Variants in ASAP2 observed in about 807,000 individuals in gnomAD.
ASAP2 encodes ArfGAP with SH3 domain, ankyrin repeat and PH domain 2, also known as arf-GAP with SH3 domain, ANK repeat and PH domain-containing protein 2.
Under a neutral mutation model 131.4 loss-of-function variants are expected in ASAP2, and 45 were observed. That is an observed-to-expected ratio of 0.34 (90% CI 0.27 to 0.44). The LOEUF (loss-of-function observed/expected upper bound fraction) is 0.44. Among genes scored for constraint, ASAP2 ranks in the 20% least tolerant of loss-of-function variants. The pLI is 1.00. For missense variants in ASAP2, 1,011 were observed against 1,297.0 expected (o/e 0.78, Z 3.39); for synonymous variants, 510 against 503.0 (o/e 1.01, Z -0.19).
chr2:9,250,501 C>T (rs1664631012), intron 1 of ASAP2, among the ~76,000 whole-genome samples: 1 of 152,130 alleles, frequency 6.6e-6, no homozygotes, highest in Non-Finnish European at 1.5e-5. Flanking sequence ...ATCACTTAAG[C>T]CTTGGGAGGT....
At chr2:9,256,354 AAAT>A (rs1205683489) in intron 1 of ASAP2, among the ~76,000 whole-genome samples, 81 of 152,154 alleles carry the variant, frequency 5.3e-4, no homozygotes, top group African/African-American at 2.0e-3. Context: ...GCCTTCACTT[AAAT>A]GTCAGGCAAA....
At chr2:9,289,643 T>C (rs115407458) in intron 2 of ASAP2, among the ~76,000 whole-genome samples, 1,998 of 152,238 alleles carry the variant, frequency 0.013, 51 homozygotes, top group African/African-American at 0.046. Context: ...AGGGAGGTCA[T>C]TGGGGTGACG....
intron 15 of ASAP2, 68 bp from the exon 16 acceptor site, chr2:9,368,357 A>G: frequency 7.3e-7 from 1 of 1,361,192 alleles, no homozygotes; most frequent in Non-Finnish European, 1.0e-6. Context: ...TCAGATGGGG[A>G]TGGGTAATGT....
At chr2:9,266,018 C>T (rs1190659267) in intron 1 of ASAP2, among the ~76,000 whole-genome samples, 1 of 100,868 alleles carries the variant, frequency 9.9e-6, no homozygotes, top group South Asian at 2.7e-4. Context: ...AAGTGATCCA[C>T]CCCCCCACCC....
At chr2:9,318,718 T>G (rs1476861999) in intron 4 of ASAP2, 120 bp downstream of exon 4, 1 of 603,858 alleles carries the variant, frequency 1.7e-6, no homozygotes, top group African/African-American at 2.0e-5. Context: ...GGATGGCTCT[T>G]TTATCTCAGC....
At chr2:9,261,213 C>A (rs1190339192) in intron 1 of ASAP2, among the ~76,000 whole-genome samples, 1 of 152,118 alleles carries the variant, frequency 6.6e-6, no homozygotes, top group Non-Finnish European at 1.5e-5. Flanking sequence ...TTATTTTCCC[C>A]AAATGTTAGA....
At chr2:9,213,065 A>T (rs180848390) in intron 1 of ASAP2, among the ~76,000 whole-genome samples, 3 of 152,336 alleles carry the variant, frequency 2.0e-5, no homozygotes, top group Non-Finnish European at 4.4e-5. Context: ...TGATAAACAG[A>T]CAGTTACGTA....
chr2:9,308,679 G>C (rs977024744), intron 3 of ASAP2, among the ~76,000 whole-genome samples: 1 of 152,150 alleles, frequency 6.6e-6, no homozygotes. Flanking sequence ...CAGTCCAGCC[G>C]TCTTTAATAG....
chr2:9,292,465 C>CCT (rs1251722077), intron 2 of ASAP2, among the ~76,000 whole-genome samples: 1 of 152,110 alleles, frequency 6.6e-6, no homozygotes, highest in Non-Finnish European at 1.5e-5. Context: ...TTGCAGTGAG[C>CCT]CGAGATTGCA....
intron 2 of ASAP2, among the ~76,000 whole-genome samples, chr2:9,284,489 A>G (rs965496932): frequency 3.9e-5 from 6 of 152,208 alleles, no homozygotes; most frequent in African/African-American, 1.4e-4. Flanking sequence ...ATTAAAAGCT[A>G]GCAATGCCAC....
chr2:9,263,694 G>A (rs1479502839), intron 1 of ASAP2, among the ~76,000 whole-genome samples: 1 of 152,146 alleles, frequency 6.6e-6, no homozygotes, highest in East Asian at 1.9e-4. Flanking sequence ...GCAGCCTCTC[G>A]TTGTTCATGC....
At chr2:9,326,896 T>C (rs1024655241) in intron 6 of ASAP2, among the ~76,000 whole-genome samples, 1 of 152,244 alleles carries the variant, frequency 6.6e-6, no homozygotes, top group Non-Finnish European at 1.5e-5. Context: ...TTTGTGGTTA[T>C]CTTCTTAGAA....
intron 16 of ASAP2, among the ~76,000 whole-genome samples, chr2:9,372,796 G>A (rs753418588): frequency 3.9e-5 from 6 of 152,020 alleles, no homozygotes; most frequent in South Asian, 2.1e-4. Context: ...ACTGTGGGAC[G>A]CAGTCACACC....
chr2:9,335,827 A>C (rs745667223), intron 9 of ASAP2, among the ~76,000 whole-genome samples: 1 of 152,234 alleles, frequency 6.6e-6, no homozygotes, highest in Non-Finnish European at 1.5e-5. Context: ...TGGGTATCAT[A>C]ATGTGAATTT....
rs934010244 is a variant in ASAP2, at chr2:9,320,440, A to G, written c.470+103A>G. On this transcript the variant is annotated intron_variant, in intron 5 of 27. Coordinates refer to ENST00000281419, the MANE Select transcript of ASAP2 (RefSeq NM_003887.3). ...GGATTGTCCAAATAAACCTTAATCC[A>G]GAAAAGAATGTTTATCAGCCATGTT... The G allele has an allele frequency of 4.0e-5, 34 of 859,444 alleles. No homozygotes were observed. The African/African-American group carries it at 5.0e-4, about 13-fold the overall frequency. The allele number at this position is 859,444 out of a possible 1,614,324, so 53.2% of individuals were successfully genotyped here. A position where few individuals can be genotyped will look rare whatever the true frequency, so the allele number is the denominator to read the frequency against.
intron 2 of ASAP2, among the ~76,000 whole-genome samples, chr2:9,287,511 G>A (rs887128308): frequency 6.6e-6 from 1 of 152,208 alleles, no homozygotes; most frequent in East Asian, 1.9e-4. Context: ...AGGAGAGGGC[G>A]TACATGAAGG....
At chr2:9,270,459 A>G (rs1282812119) in intron 1 of ASAP2, among the ~76,000 whole-genome samples, 1 of 151,772 alleles carries the variant, frequency 6.6e-6, no homozygotes, top group African/African-American at 2.4e-5. Context: ...GGTACGTGGT[A>G]TATATTTTTA....
intron 11 of ASAP2, among the ~76,000 whole-genome samples, chr2:9,349,441 T>C (rs961420542): frequency 6.6e-6 from 1 of 152,230 alleles, no homozygotes; most frequent in Non-Finnish European, 1.5e-5. Context: ...GATCATTTGC[T>C]GTATTGGTTC....
rs146339417 is a variant in ASAP2, at chr2:9,235,261, C to T, written c.126+28031C>T. Reference sequence around the variant, plus strand: ...CTTTTGGACCACACAGATGGCTGGTCGTCCTGTGCACCAGTGTGGCAGGGA... The same window carrying T: ...CTTTTGGACCACACAGATGGCTGGTTGTCCTGTGCACCAGTGTGGCAGGGA... On this transcript the variant is annotated intron_variant, in intron 1 of 27. Coordinates refer to ENST00000281419, the MANE Select transcript of ASAP2 (RefSeq NM_003887.3). Among the ~76,000 whole-genome samples, 185 of 152,258 alleles carry T rather than the reference C, an allele frequency of 1.2e-3. 2 individuals carry two copies. The highest frequency in any genetic ancestry group is 4.0e-3 in the African/African-American group (166 of 41,558).
Sources: gnomAD v4.1 joint callset for allele counts (sites outside exome capture counted in the v4.1 genomes callset) on GRCh38, gnomAD v4.1.1 for gene constraint, MANE v1.5 for transcripts, NCBI Gene and HGNC (gene_info 2026-07-23, HGNC 2026-07-21) for gene names.